The following DOCK2 variants were observed in gnomAD, a reference collection of about 807,000 sequenced individuals.
The protein encoded by DOCK2 is dedicator of cytokinesis protein 2.
In DOCK2, 87 loss-of-function variants were observed where a neutral mutation model predicts 248.9. That is an observed-to-expected ratio of 0.35 (90% CI 0.29 to 0.42). The LOEUF is 0.42. Ranked by LOEUF, DOCK2 falls within the 10% of genes least tolerant of loss-of-function variation. DOCK2 has a pLI of 1.00. For synonymous variants in DOCK2, 805 were observed against 821.6 expected (o/e 0.98, Z 0.35); for missense variants, 1,747 against 2,300.2 (o/e 0.76, Z 4.92).
At chr5:169,666,399 T>C (rs1482682464) in intron 2 of DOCK2, among the ~76,000 whole-genome samples, 1 of 152,180 alleles carries the variant, frequency 6.6e-6, no homozygotes, top group Non-Finnish European at 1.5e-5. Flanking sequence ...AAAGTGGTTA[T>C]CTCATGAAAA....
At chr5:170,020,639 T>G (rs2113823233) in intron 33 of DOCK2, among the ~76,000 whole-genome samples, 1 of 152,402 alleles carries the variant, frequency 6.6e-6, no homozygotes, top group Non-Finnish European at 1.5e-5. Flanking sequence ...TGACGTCATC[T>G]GCTGAAAGTC....
chr5:169,804,483 TGTGC>T (rs1267100196), intron 26 of DOCK2, among the ~76,000 whole-genome samples: 45 of 64,290 alleles, frequency 7.0e-4, no homozygotes, highest in East Asian at 1.8e-3. Context: ...TGTGTGTGTG[TGTGC>T]GCGCGCGCGT....
intron 22 of DOCK2, among the ~76,000 whole-genome samples, chr5:169,736,419 A>G (rs1763046891): frequency 1.3e-5 from 2 of 152,084 alleles, no homozygotes; most frequent in Non-Finnish European, 2.9e-5. Context: ...TTTTAATGTA[A>G]TATTCTAGTG....
At chr5:169,824,445 A>G (rs1192987013) in intron 26 of DOCK2, among the ~76,000 whole-genome samples, 1 of 152,202 alleles carries the variant, frequency 6.6e-6, no homozygotes, top group Non-Finnish European at 1.5e-5. Flanking sequence ...ATAGAACAGA[A>G]CAGAGCCCTC....
intron 27 of DOCK2, among the ~76,000 whole-genome samples, chr5:169,921,959 G>A (rs1013836453): frequency 6.6e-6 from 1 of 152,198 alleles, no homozygotes; most frequent in African/African-American, 2.4e-5. Context: ...GGTTGGAGGA[G>A]AGAATTACTT....
At chr5:169,999,464 A>G (rs1291222211) in intron 30 of DOCK2, among the ~76,000 whole-genome samples, 2 of 152,218 alleles carry the variant, frequency 1.3e-5, no homozygotes, top group African/African-American at 2.4e-5. Context: ...TATGATGATC[A>G]TGCCCCTAAA....
chr5:169,995,309 G>A (rs956059808), intron 29 of DOCK2, among the ~76,000 whole-genome samples: 9 of 152,172 alleles, frequency 5.9e-5, no homozygotes, highest in Non-Finnish European at 8.8e-5. Context: ...GATTACAGGC[G>A]CAAGCCACTG....
At chr5:170,073,779 C>G (rs1477286142) in intron 46 of DOCK2, among the ~76,000 whole-genome samples, 1 of 151,716 alleles carries the variant, frequency 6.6e-6, no homozygotes, top group Middle Eastern at 3.2e-3. Context: ...TATGTTTGTA[C>G]TTCTTGTAAT....
intron 14 of DOCK2, chr5:169,704,021 C>T (rs904992508): frequency 2.0e-5 from 3 of 152,214 alleles, no homozygotes; most frequent in African/African-American, 4.8e-5. Flanking sequence ...CTTTTGTCAC[C>T]CTTTCAAGTC....
chr5:169,735,827 A>G (rs1763007171), intron 22 of DOCK2, among the ~76,000 whole-genome samples: 1 of 152,140 alleles, frequency 6.6e-6, no homozygotes. Flanking sequence ...AGTAAGTTTA[A>G]TGGACTCAAC....
At chr5:169,718,853 A>AT in intron 22 of DOCK2, 62 bp downstream of exon 22, 1 of 1,525,552 alleles carries the variant, frequency 6.6e-7, no homozygotes, top group Non-Finnish European at 8.9e-7. Context: ...ATACAACAGT[A>AT]TTTTTACTGT....
intron 49 of DOCK2, chr5:170,079,476 T>C: frequency 3.3e-6 from 1 of 304,440 alleles, no homozygotes; most frequent in African/African-American, 2.1e-5. Flanking sequence ...GCAGCCCACT[T>C]GGTACTGAGC....
At chr5:169,913,605 C>T (rs1390400167) in intron 27 of DOCK2, among the ~76,000 whole-genome samples, 1 of 152,104 alleles carries the variant, frequency 6.6e-6, no homozygotes, top group African/African-American at 2.4e-5. Flanking sequence ...CTGATATCTG[C>T]AGTGGTTTGT....
At chr5:169,953,948 T>A (rs1318958822) in intron 27 of DOCK2, among the ~76,000 whole-genome samples, 5 of 152,160 alleles carry the variant, frequency 3.3e-5, no homozygotes, top group Non-Finnish European at 1.5e-5. Flanking sequence ...ATTAAGTGAG[T>A]TAATGCATGG....
intron 25 of DOCK2, among the ~76,000 whole-genome samples, chr5:169,766,012 T>G (rs1189461077): frequency 6.6e-6 from 1 of 152,222 alleles, no homozygotes; most frequent in Admixed American, 6.5e-5. Flanking sequence ...AACATATCAT[T>G]GCAGCATTGG....
At chr5:170,027,243 G>A (rs1006794275) in intron 33 of DOCK2, among the ~76,000 whole-genome samples, 1 of 152,052 alleles carries the variant, frequency 6.6e-6, no homozygotes, top group Non-Finnish European at 1.5e-5. Context: ...CTGGGACCTG[G>A]GCAATGAAAT....
At chr5:169,744,537 A>C (rs899935704) in intron 22 of DOCK2, among the ~76,000 whole-genome samples, 2 of 152,312 alleles carry the variant, frequency 1.3e-5, no homozygotes, top group Non-Finnish European at 2.9e-5. Context: ...GGTTTGCAAC[A>C]AAACCAGCCA....
chr5:170,055,867 G>A (rs1361564051), intron 42 of DOCK2, among the ~76,000 whole-genome samples: 1 of 152,238 alleles, frequency 6.6e-6, no homozygotes, highest in African/African-American at 2.4e-5. Context: ...TAGAGGAAGT[G>A]CCGTGAAGGC....
In DOCK2 at chr5:170,082,898, G is replaced by A. The variant is rs1456363877; in HGVS notation, c.*40G>A. ...GGGCTGCATGGGAGAGCCAGGGAGG[G>A]GAGTTTCTGGAAGAGGAAAGCCATG... On this transcript the variant is annotated 3_prime_UTR_variant, in exon 52 of 52. Transcript: ENST00000520908. The A allele has an allele frequency of 1.2e-6, 2 of 1,613,490 alleles. No homozygotes were observed. Among genetic ancestry groups the A allele is most frequent in the African/African-American group, 2.7e-5 (2 of 74,914 alleles).
Sources: gnomAD v4.1 joint callset for allele counts (sites outside exome capture counted in the v4.1 genomes callset) on GRCh38, gnomAD v4.1.1 for gene constraint, MANE v1.5 for transcripts, NCBI Gene and HGNC (gene_info 2026-07-23, HGNC 2026-07-21) for gene names.